ELF1: variants seen among roughly 807,000 people sequenced by gnomAD.
ELF1 encodes the protein E74 like ETS transcription factor 1.
ELF1 carries 24 observed loss-of-function variants against 59.9 expected under a neutral mutation model. The observed-to-expected ratio is 0.40, with a 90% CI of 0.29 to 0.56. The LOEUF is 0.56. Among genes scored for constraint, ELF1 ranks in the 20% least tolerant of loss-of-function variants. ELF1 has a pLI of 0.44. For missense variants in ELF1, 627 were observed against 742.2 expected, an observed-to-expected ratio of 0.84 and a Z score of 1.80; for synonymous variants, 248 against 266.2, an observed-to-expected ratio of 0.93 and a Z score of 0.67.
chr13:40,993,425 T>C (rs1873968022), intron 1 of ELF1: 2 of 681,334 alleles, frequency 2.9e-6, no homozygotes, highest in Admixed American at 2.4e-5. Flanking sequence ...CTCTGTCCTC[T>C]AGCGGAGCCC....
chr13:40,956,612 C>G (rs1871461039), intron 3 of ELF1, among the ~76,000 whole-genome samples: 3 of 145,834 alleles, frequency 2.1e-5, no homozygotes. Context: ...GGAAAGGCTT[C>G]AGGATTGTCA....
At chr13:40,989,928 T>C (rs886774318) in intron 1 of ELF1, among the ~76,000 whole-genome samples, 1 of 152,228 alleles carries the variant, frequency 6.6e-6, no homozygotes, top group African/African-American at 2.4e-5. Context: ...TATTCTGGCA[T>C]TGCAAAATAA....
chr13:41,019,797 G>C (rs181925179), upstream of ELF1, among the ~76,000 whole-genome samples: 1 of 152,086 alleles, frequency 6.6e-6, no homozygotes, highest in South Asian at 2.1e-4. Context: ...GGAAAGGCTA[G>C]CAAACTACAA....
At chr13:41,057,298 A>C (rs1383471492) in intron 1 of ELF1, among the ~76,000 whole-genome samples, 1 of 151,760 alleles carries the variant, frequency 6.6e-6, no homozygotes, top group Non-Finnish European at 1.5e-5. Context: ...CTAGGACTAC[A>C]GGCATGTGGC....
At chr13:40,993,624 G>A (rs185239975) in intron 1 of ELF1, among the ~76,000 whole-genome samples, 5 of 152,204 alleles carry the variant, frequency 3.3e-5, no homozygotes, top group Non-Finnish European at 7.4e-5. Context: ...GGGGCTATAG[G>A]TGTGTACTAC....
At chr13:40,968,475 G>A (rs1872321558) in intron 2 of ELF1, among the ~76,000 whole-genome samples, 1 of 151,836 alleles carries the variant, frequency 6.6e-6, no homozygotes, top group South Asian at 2.1e-4. Flanking sequence ...TTTCCATATA[G>A]TGCCCCTCCT....
Position 40,937,615 on chromosome 13 carries a change from G to A in ELF1, c.1256+3306C>T, listed in dbSNP as rs796745894. Among the ~76,000 whole-genome samples the A allele has an allele frequency of 1.8e-4, 27 of 151,614 alleles. 1 individual carries two copies. The South Asian group carries it at 5.4e-3, about 30-fold the overall frequency. On this transcript the variant is annotated intron_variant, in intron 8 of 8. Coordinates refer to ENST00000239882, the MANE Select transcript of ELF1 (RefSeq NM_172373.4). ...CTCCCAAGTAGCTGGGATTACAGGC[G>A]CCCGCCACTACGCCTAGCTAATTTT...
intron 1 of ELF1, among the ~76,000 whole-genome samples, chr13:41,033,044 C>A (rs1876235691): frequency 1.3e-5 from 2 of 152,026 alleles, no homozygotes; most frequent in African/African-American, 4.8e-5. Context: ...ATTACCCCTG[C>A]TATTATTATT....
chr13:40,947,650 G>T (rs1870586916), intron 5 of ELF1, among the ~76,000 whole-genome samples: 1 of 152,180 alleles, frequency 6.6e-6, no homozygotes, highest in African/African-American at 2.4e-5. Flanking sequence ...TAACTATGGG[G>T]CACCAGGCAG....
intron 6 of ELF1, 130 bp downstream of exon 6, chr13:40,943,712 C>G: frequency 1.5e-6 from 1 of 654,756 alleles, no homozygotes; most frequent in East Asian, 3.2e-5. Flanking sequence ...GCAAATGTAT[C>G]TAATAAGCAT....
chr13:40,950,103 C>T (rs938480870), intron 4 of ELF1, 130 bp from the exon 5 acceptor site: 5 of 871,862 alleles, frequency 5.7e-6, no homozygotes, highest in Admixed American at 3.1e-5. Flanking sequence ...TCTATTCCTG[C>T]GTTTAAGTTC....
chr13:40,999,173 G>T (rs1267204073), intron 1 of ELF1, among the ~76,000 whole-genome samples: 1 of 152,178 alleles, frequency 6.6e-6, no homozygotes, highest in Non-Finnish European at 1.5e-5. Flanking sequence ...TAAAGATAAT[G>T]CATGGCCCTT....
At chr13:40,977,984 T>C (rs1593375125) in intron 2 of ELF1, among the ~76,000 whole-genome samples, 1 of 152,230 alleles carries the variant, frequency 6.6e-6, no homozygotes, top group Admixed American at 6.5e-5. Flanking sequence ...CTAACACCAC[T>C]ATTTGTGGGA....
chr13:40,989,340 C>T (rs767879072), intron 1 of ELF1, among the ~76,000 whole-genome samples: 6 of 152,094 alleles, frequency 3.9e-5, no homozygotes, highest in Non-Finnish European at 7.4e-5. Flanking sequence ...CATTTCATTG[C>T]ACTCAGTGTT....
intron 1 of ELF1, among the ~76,000 whole-genome samples, chr13:41,008,107 A>G (rs1026167822): frequency 6.6e-6 from 1 of 152,200 alleles, no homozygotes; most frequent in Non-Finnish European, 1.5e-5. Context: ...CATTAAATAC[A>G]TATGTTTTTA....
In ELF1 at chr13:40,990,545, A is replaced by G. The variant is rs149622576; in HGVS notation, c.-228-8263T>C. Among the ~76,000 whole-genome samples, 767 of 152,242 alleles carry G rather than the reference A, an allele frequency of 5.0e-3. 7 individuals are homozygous for G. The highest frequency in any genetic ancestry group is 0.017 in the African/African-American group (722 of 41,532). ...TAAATGTCCAGAAATTTTACCTTCAATATAATCTCTTTAAAAATATATTAC... is the reference window on the plus strand; with the variant it reads ...TAAATGTCCAGAAATTTTACCTTCAGTATAATCTCTTTAAAAATATATTAC... On this transcript the variant is annotated intron_variant, in intron 1 of 8. Transcript: ENST00000239882.
intron 1 of ELF1, among the ~76,000 whole-genome samples, chr13:40,991,617 T>C (rs550378554): frequency 6.6e-6 from 1 of 150,706 alleles, no homozygotes; most frequent in African/African-American, 2.4e-5. Context: ...CATTGTAAAA[T>C]TGTTAAAGAA....
chr13:40,939,873 A>G (rs1186169390), intron 8 of ELF1, among the ~76,000 whole-genome samples: 4 of 152,204 alleles, frequency 2.6e-5, no homozygotes, highest in African/African-American at 7.2e-5. Flanking sequence ...TACTCCTTTA[A>G]TAACAGTTAA....
intron 1 of ELF1, among the ~76,000 whole-genome samples, chr13:41,041,007 G>C (rs1876583585): frequency 6.6e-6 from 1 of 152,104 alleles, no homozygotes; most frequent in Non-Finnish European, 1.5e-5. Context: ...GAGTGATTGG[G>C]GATGGCCTTT....
Sources: gnomAD v4.1 joint callset for allele counts (sites outside exome capture counted in the v4.1 genomes callset) on GRCh38, gnomAD v4.1.1 for gene constraint, MANE v1.5 for transcripts, NCBI Gene and HGNC (gene_info 2026-07-23, HGNC 2026-07-21) for gene names.